Variants in NFAT5 observed in about 807,000 individuals in gnomAD.
NFAT5 encodes the protein nuclear factor of activated T cells 5.
NFAT5 carries 31 observed loss-of-function variants against 166.5 expected under a neutral mutation model. That is an observed-to-expected ratio of 0.19 (90% CI 0.14 to 0.25). The LOEUF (loss-of-function observed/expected upper bound fraction) is 0.25. Ranked by LOEUF, NFAT5 falls within the 10% of genes least tolerant of loss-of-function variation. The probability of loss-of-function intolerance (pLI) is 1.00; values close to 1 mark genes in which losing one functional copy is unlikely to be tolerated. For synonymous variants in NFAT5, 612 were observed against 639.7 expected (o/e 0.96, Z 0.65); for missense variants, 1,449 against 1,821.8 (o/e 0.80, Z 3.72).
chr16:69,604,699 AAGG>A (rs773188660), intron 2 of NFAT5, among the ~76,000 whole-genome samples: 4 of 152,152 alleles, frequency 2.6e-5, no homozygotes, highest in Non-Finnish European at 4.4e-5. Context: ...TCATTCCCAG[AAGG>A]AAAATCCTGT....
chr16:69,601,016 C>T (rs1347881079), intron 2 of NFAT5, among the ~76,000 whole-genome samples: 3 of 152,110 alleles, frequency 2.0e-5, no homozygotes, highest in African/African-American at 7.2e-5. Context: ...GAAATGGCCC[C>T]CATTGGTCTT....
intron 2 of NFAT5, among the ~76,000 whole-genome samples, chr16:69,583,368 G>A (rs1438625688): frequency 6.7e-6 from 1 of 149,286 alleles, no homozygotes; most frequent in Non-Finnish European, 1.5e-5. Flanking sequence ...ATAACACCAT[G>A]CCCAGCTAAT....
chr16:69,619,706 C>G (rs2034116349), intron 2 of NFAT5, among the ~76,000 whole-genome samples: 1 of 152,158 alleles, frequency 6.6e-6, no homozygotes, highest in African/African-American at 2.4e-5. Context: ...TGTGGCTTAT[C>G]TCCCTGCACT....
chr16:69,691,056 ACAG>A lies in NFAT5; in HGVS notation c.1895_1897del (p.Ala632del), dbSNP rs750829090. 6.9e-6 allele frequency: 11 copies of A among 1,603,582 alleles called. No individual in the cohort carries two copies. The highest frequency in any genetic ancestry group is 9.4e-6 in the Non-Finnish European group (11 of 1,176,012). Reference sequence around the variant, plus strand: ...TGAAGATGTTACTCCAATGGAAGTAACAGCAGAAAAAAGATCTTCCACTATTTT... The same window carrying A: ...TGAAGATGTTACTCCAATGGAAGTAACAGAAAAAAGATCTTCCACTATTTT... On this transcript the variant is annotated inframe_deletion, in exon 12 of 15. Transcript: ENST00000349945.
intron 7 of NFAT5, 124 bp from the exon 8 acceptor site, chr16:69,669,853 T>C (rs1417998894): frequency 1.2e-6 from 1 of 811,786 alleles, no homozygotes. Flanking sequence ...TGTGTAACTA[T>C]AAAAATATTT....
intron 6 of NFAT5, among the ~76,000 whole-genome samples, chr16:69,657,321 G>A (rs999378079): frequency 2.0e-5 from 3 of 151,426 alleles, no homozygotes; most frequent in African/African-American, 7.3e-5. Flanking sequence ...GTAGAGACGG[G>A]GTTTCACTGT....
At chr16:69,574,059 T>C (rs563453944) in intron 2 of NFAT5, among the ~76,000 whole-genome samples, 63 of 152,064 alleles carry the variant, frequency 4.1e-4, no homozygotes, top group African/African-American at 1.4e-3. Flanking sequence ...TTATTAGAGA[T>C]AGGGTTTCTC....
At chr16:69,608,000 A>T (rs1414123281) in intron 2 of NFAT5, among the ~76,000 whole-genome samples, 2 of 152,190 alleles carry the variant, frequency 1.3e-5, no homozygotes, top group Non-Finnish European at 2.9e-5. Flanking sequence ...CATGGTGCTT[A>T]AAAAGAAATT....
At position 69,691,896 on chromosome 16, in the gene NFAT5, G is replaced by C; in HGVS notation, c.2071G>C (p.Glu691Gln). Residue 691 changes from glutamate (E) to glutamine (Q), a missense_variant, in exon 13 of 15, where the codon GAG becomes CAG. Physicochemically the swap from Glu to Gln is conservative, Grantham distance 29 (BLOSUM62 2). This residue lies in a region of NFAT5 where 891 missense variants were observed against 993.0 expected (regional missense o/e 0.90). Coordinates refer to ENST00000349945, the MANE Select transcript of NFAT5 (RefSeq NM_138713.4). ...GATTCAGCCCAAGGCATACAACCCA[G>C]AGACCCTGACAACTATTCAAACCCA... Reference protein sequence around the residue: ...QQIQPKAYNPETLTTIQTQDI... With the variant: ...QQIQPKAYNPQTLTTIQTQDI... 6.2e-7 allele frequency: 1 copy of C among 1,614,132 alleles called. No individual in the cohort carries two copies. The highest frequency in any genetic ancestry group is 8.5e-7 in the Non-Finnish European group (1 of 1,180,046).
At chr16:69,603,202 T>A (rs888778435) in intron 2 of NFAT5, among the ~76,000 whole-genome samples, 2 of 152,198 alleles carry the variant, frequency 1.3e-5, no homozygotes, top group African/African-American at 4.8e-5. Flanking sequence ...CTTACACTTT[T>A]AAAAAATTTC....
chr16:69,658,483 C>CAA (rs34050479), intron 6 of NFAT5, among the ~76,000 whole-genome samples: 7 of 96,532 alleles, frequency 7.3e-5, no homozygotes, highest in Non-Finnish European at 1.3e-4. Context: ...AACTCTGTCT[C>CAA]AAAAAAAAAA....
Position 69,626,500 on chromosome 16 carries a change from C to T in NFAT5, c.225C>T (p.Gly75=). 6.4e-7 allele frequency: 1 copy of T among 1,573,102 alleles called. No individual in the cohort carries two copies. Among genetic ancestry groups the T allele is most frequent in the South Asian group, 1.2e-5 (1 of 83,768 alleles). The change falls in exon 3 of 15, where the codon GGC becomes GGT. Residue 75 remains glycine (G), a synonymous_variant. Transcript: ENST00000349945. ...GTCAGACAAGCGGTGGTGAGGCAGG[C>T]TCGCCTCCTCCAGCTGTTGTTGCTG... ...SMSQTSGGEA[G]SPPPAVVAAD... is the part of the protein sequence containing the mutation.
Position 69,692,702 on chromosome 16 carries a change from A to G in NFAT5, c.2877A>G (p.Ala959=). Residue 959 remains alanine, a synonymous_variant, in exon 13 of 15, where the codon GCA becomes GCG. Transcript: ENST00000349945. ...VYQQTSHMMS[A]LSTNEDMQMQ... is the part of the protein sequence containing the mutation. ...AGCAGACTTCTCACATGATGAGTGC[A>G]TTGTCTACCAATGAGGATATGCAAA... The G allele has an allele frequency of 6.2e-7, 1 of 1,614,226 alleles. No homozygotes were observed. Among genetic ancestry groups the G allele is most frequent in the South Asian group, 1.1e-5 (1 of 91,086 alleles).
At chr16:69,652,655 T>A (rs1392915061) in intron 4 of NFAT5, among the ~76,000 whole-genome samples, 1 of 152,170 alleles carries the variant, frequency 6.6e-6, no homozygotes, top group Non-Finnish European at 1.5e-5. Context: ...TCAGTTTGGT[T>A]TACTGAGAAG....
chr16:69,695,380 G>A lies in NFAT5; in HGVS notation c.*8+1G>A. On this transcript the variant is annotated splice_donor_variant, in intron 14 of 14. Coordinates refer to ENST00000349945, the MANE Select transcript of NFAT5 (RefSeq NM_138713.4). LOFTEE classifies it low-confidence loss of function (3UTR_SPLICE). ...TGACTGGCTCCTTTTAACTGGATAT[G>A]TAAGTATTGCATTTTGGCTTCTTAT... 1 of 1,596,670 alleles carries A rather than the reference G, an allele frequency of 6.3e-7. No individual in the cohort carries two copies. Among genetic ancestry groups the A allele is most frequent in the Non-Finnish European group, 8.6e-7 (1 of 1,164,346 alleles).
chr16:69,619,827 A>G (rs2034120965), intron 2 of NFAT5, among the ~76,000 whole-genome samples: 1 of 152,210 alleles, frequency 6.6e-6, no homozygotes, highest in Non-Finnish European at 1.5e-5. Context: ...AGAAGAAACA[A>G]ACAAATAAAA....
intron 2 of NFAT5, among the ~76,000 whole-genome samples, chr16:69,580,131 TAAC>T (rs1401541973): frequency 6.6e-6 from 1 of 152,076 alleles, no homozygotes; most frequent in African/African-American, 2.4e-5. Context: ...ATTAATGTAA[TAAC>T]TATTTTAATG....
At chr16:69,611,388 T>C (rs1342630780) in intron 2 of NFAT5, among the ~76,000 whole-genome samples, 1 of 152,234 alleles carries the variant, frequency 6.6e-6, no homozygotes, top group Non-Finnish European at 1.5e-5. Context: ...AATGAGCTTA[T>C]TTTACTGGTA....
intron 5 of NFAT5, 97 bp downstream of exon 5, chr16:69,653,525 T>A (rs1310291109): frequency 1.9e-5 from 14 of 756,078 alleles, no homozygotes; most frequent in Non-Finnish European, 2.0e-6. Flanking sequence ...ATGAATTTTC[T>A]TCCCTCATAT....
Sources: gnomAD v4.1 joint callset for allele counts (sites outside exome capture counted in the v4.1 genomes callset) on GRCh38, gnomAD v4.1.1 for gene constraint, gnomAD v4.1.1 regional missense constraint, MANE v1.5 for transcripts, NCBI Gene and HGNC (gene_info 2026-07-23, HGNC 2026-07-21) for gene names.